Variants in RSPRY1 observed in about 807,000 individuals in gnomAD.
The protein encoded by RSPRY1 is RING finger and SPRY domain-containing protein 1.
A neutral mutation model predicts 73.1 loss-of-function variants in RSPRY1; 23 were observed. The observed-to-expected ratio is 0.31, with a 90% CI of 0.23 to 0.45. The LOEUF is 0.45. RSPRY1 is among the 20% of genes least tolerant of loss of function. The pLI, the probability that RSPRY1 is intolerant of heterozygous loss-of-function variation, is 1.00. For missense variants in RSPRY1, 448 were observed against 698.7 expected (o/e 0.64, Z 4.05); for synonymous variants, 226 against 251.4 (o/e 0.90, Z 0.95).
intron 4 of RSPRY1, among the ~76,000 whole-genome samples, chr16:57,212,147 T>C (rs572718520): frequency 6.6e-6 from 1 of 152,174 alleles, no homozygotes; most frequent in East Asian, 1.9e-4. Flanking sequence ...TTCCCATCTC[T>C]ACAGAAAATT....
chr16:57,220,632 C>T, intron 8 of RSPRY1, 100 bp from the exon 9 acceptor site: 3 of 639,462 alleles, frequency 4.7e-6, no homozygotes, highest in Non-Finnish European at 8.4e-6. Context: ...TTTGGATGCC[C>T]TTTATTTCTT....
intron 1 of RSPRY1, among the ~76,000 whole-genome samples, chr16:57,197,640 C>G (rs573141545): frequency 1.1e-4 from 16 of 152,284 alleles, no homozygotes; most frequent in Non-Finnish European, 1.5e-5. Context: ...TGACTCAAAA[C>G]ACACTTTAGT....
Position 57,219,361 on chromosome 16 carries a change from G to A in RSPRY1, c.902-1371G>A, listed in dbSNP as rs142793415. Among the ~76,000 whole-genome samples the A allele has an allele frequency of 4.7e-3, 711 of 152,158 alleles. 7 individuals are homozygous for A. Among genetic ancestry groups the A allele is most frequent in the African/African-American group, 0.016 (660 of 41,516 alleles). ...TTTAGATAAATGCCATTTTTACTGGGGTGAGATGATAGCTCATTGTAGTTT... is the reference window on the plus strand; with the variant it reads ...TTTAGATAAATGCCATTTTTACTGGAGTGAGATGATAGCTCATTGTAGTTT... On this transcript the variant is annotated intron_variant, in intron 8 of 14. Coordinates refer to ENST00000394420, the MANE Select transcript of RSPRY1 (RefSeq NM_133368.3).
Position 57,216,142 on chromosome 16 carries a change from A to C in RSPRY1, c.738A>C (p.Ala246=), listed in dbSNP as rs561385142. The change falls in exon 7 of 15, where the codon GCA becomes GCC. Residue 246 remains alanine, a synonymous_variant. Coordinates refer to ENST00000394420, the MANE Select transcript of RSPRY1 (RefSeq NM_133368.3). ...LQSHPTVMLF[A]LIALEKFAQT... The stretch of plus-strand genomic sequence containing the variant: ...CCCACCCCACAGTCATGCTTTTTGC[A>C]CTTATCGCACTGGAAAAGTTTGCAC... The C allele has an allele frequency of 1.2e-6, 2 of 1,609,506 alleles. No homozygotes were observed. Among genetic ancestry groups the C allele is most frequent in the South Asian group, 2.2e-5 (2 of 90,978 alleles).
At chr16:57,199,101 T>C (rs1369678390) in intron 1 of RSPRY1, among the ~76,000 whole-genome samples, 1 of 152,246 alleles carries the variant, frequency 6.6e-6, no homozygotes, top group Non-Finnish European at 1.5e-5. Context: ...GTACAGCCTT[T>C]AAATGCATGA....
chr16:57,202,878 T>TTATATTTATATATA (rs2074647504), intron 1 of RSPRY1, among the ~76,000 whole-genome samples: 1 of 131,638 alleles, frequency 7.6e-6, no homozygotes, highest in Non-Finnish European at 1.6e-5. Context: ...TTACATATGA[T>TTATATTTATATATA]TATATATATA....
At chr16:57,235,033 G>A in intron 13 of RSPRY1, 91 bp from the exon 14 acceptor site, 1 of 830,474 alleles carries the variant, frequency 1.2e-6, no homozygotes, top group Non-Finnish European at 2.0e-6. Flanking sequence ...ATATGTCACA[G>A]GTGCAGAGCA....
chr16:57,231,400 G>A, intron 13 of RSPRY1, 81 bp downstream of exon 13: 1 of 1,351,954 alleles, frequency 7.4e-7, no homozygotes, highest in Non-Finnish European at 1.0e-6. Context: ...AACGTTAAAA[G>A]AATATAACAA....
chr16:57,201,111 A>C (rs1392827554), intron 1 of RSPRY1, among the ~76,000 whole-genome samples: 1 of 150,248 alleles, frequency 6.7e-6, no homozygotes, highest in Non-Finnish European at 1.5e-5. Flanking sequence ...GACGCTCCTC[A>C]CTTCCCAGGC....
chr16:57,203,538 A>G (rs1018869265), intron 1 of RSPRY1, among the ~76,000 whole-genome samples: 1 of 152,130 alleles, frequency 6.6e-6, no homozygotes, highest in Non-Finnish European at 1.5e-5. Flanking sequence ...CTACCAGCCC[A>G]TGTAAGTCTC....
intron 1 of RSPRY1, among the ~76,000 whole-genome samples, chr16:57,200,565 C>T (rs1164184615): frequency 1.4e-5 from 2 of 140,904 alleles, no homozygotes; most frequent in African/African-American, 2.7e-5. Flanking sequence ...CCGGATGGGG[C>T]GGCTGGCCGG....
At chr16:57,194,189 T>C (rs1194470144) in intron 1 of RSPRY1, among the ~76,000 whole-genome samples, 2 of 152,354 alleles carry the variant, frequency 1.3e-5, no homozygotes, top group Non-Finnish European at 2.9e-5. Flanking sequence ...CTGATGCCTA[T>C]AGTTTACTTT....
chr16:57,205,195 G>A, intron 2 of RSPRY1, 187 bp downstream of exon 2: 1 of 572,568 alleles, frequency 1.7e-6, no homozygotes, highest in South Asian at 2.2e-5. Flanking sequence ...TTTGCTTGCT[G>A]TCATCTACTT....
chr16:57,200,995 T>G lies in RSPRY1; in HGVS notation c.-155-3509T>G, dbSNP rs1311745308. On this transcript the variant is annotated intron_variant, in intron 1 of 14. Coordinates refer to ENST00000394420, the MANE Select transcript of RSPRY1 (RefSeq NM_133368.3). ...CCCACCTCCCTCCCGGACGGGCGGCTGGCCGGGCGGGGGGCTGACCCCCCC... is the reference window on the plus strand; with the variant it reads ...CCCACCTCCCTCCCGGACGGGCGGCGGGCCGGGCGGGGGGCTGACCCCCCC... Among the ~76,000 whole-genome samples the G allele has an allele frequency of 1.5e-3, 175 of 116,616 alleles. 1 individual carries two copies. The highest frequency in any genetic ancestry group is 5.4e-3 in the African/African-American group (167 of 31,198). The allele number at this position is 116,616 out of a possible 152,430, so 76.5% of individuals were successfully genotyped here.
intron 12 of RSPRY1, 148 bp from the exon 13 acceptor site, chr16:57,231,019 C>A: frequency 1.3e-6 from 1 of 781,952 alleles, no homozygotes; most frequent in Non-Finnish European, 2.0e-6. Flanking sequence ...TAGTCACAGA[C>A]CTGTGTGGGT....
intron 11 of RSPRY1, among the ~76,000 whole-genome samples, 186 bp downstream of exon 11, chr16:57,227,639 C>G (rs1353523601): frequency 1.3e-5 from 2 of 152,150 alleles, no homozygotes; most frequent in African/African-American, 4.8e-5. Flanking sequence ...TGGTGGAGTT[C>G]TTCCTGTAGC....
At chr16:57,232,662 A>G (rs2075242812) in intron 13 of RSPRY1, among the ~76,000 whole-genome samples, 2 of 152,172 alleles carry the variant, frequency 1.3e-5, no homozygotes, top group Non-Finnish European at 2.9e-5. Context: ...CATAGTTAAA[A>G]TGCTTCAGCA....
chr16:57,224,064 A>ATT (rs2075082808), intron 10 of RSPRY1, among the ~76,000 whole-genome samples: 1 of 152,240 alleles, frequency 6.6e-6, no homozygotes, highest in South Asian at 2.1e-4. Context: ...AAAAGGAATG[A>ATT]TTTAGAAGCC....
intron 8 of RSPRY1, among the ~76,000 whole-genome samples, chr16:57,219,215 A>C (rs2074995270): frequency 6.6e-6 from 1 of 152,094 alleles, no homozygotes; most frequent in African/African-American, 2.4e-5. Context: ...TTCTGTTTTT[A>C]GTGTTTTGAG....
Sources: allele counts gnomAD v4.1 joint callset (sites outside exome capture counted in the v4.1 genomes callset), GRCh38; gene constraint gnomAD v4.1.1; transcripts MANE v1.5; gene names NCBI Gene and HGNC (gene_info 2026-07-23, HGNC 2026-07-21).